Variants in WDR3 observed in about 807,000 individuals in gnomAD.
The protein encoded by WDR3 is WD repeat-containing protein 3.
A neutral mutation model predicts 123.7 loss-of-function variants in WDR3; 81 were observed. That is an observed-to-expected ratio of 0.65 (90% CI 0.55 to 0.79). The LOEUF is 0.79. Ranked by LOEUF, WDR3 falls within the 30% of genes least tolerant of loss-of-function variation. The pLI is 0.00. For synonymous variants in WDR3, 390 were observed against 388.8 expected (o/e 1.00, Z -0.04); for missense variants, 1,027 against 1,123.2 (o/e 0.91, Z 1.22).
rs754604700 is a variant in WDR3, at chr1:117,938,511, C to G, written c.532C>G (p.Leu178Val). 2.5e-6 allele frequency: 4 copies of G among 1,613,146 alleles called. No individual in the cohort carries two copies. The East Asian group carries it at 8.9e-5, about 36-fold the overall frequency. Residue 178 changes from leucine (L) to valine (V), a missense_variant, in exon 5 of 27, where the codon CTT (leucine) becomes GTT (valine). By Grantham distance (32) the Leu-to-Val change is conservative. Transcript: ENST00000349139. The stretch of plus-strand genomic sequence containing the variant: ...AGATACCATGGTGAAATGGTGGGAC[C>G]TTGATACTCAGCACTGCTTTAAAAC... ...GKDTMVKWWD[L>V]DTQHCFKTMV...
At position 117,965,176 on chromosome 1, in the gene WDR3, C is replaced by G. The variant is rs1653662195; in HGVS notation, c.*5729C>G. Reference sequence around the variant, plus strand: ...TTTTGCAATTTAGTTTTTATCCCAACCAAATTTAACACTTTAAATCTGAAT... The same window carrying G: ...TTTTGCAATTTAGTTTTTATCCCAAGCAAATTTAACACTTTAAATCTGAAT... On this transcript the variant is annotated 3_prime_UTR_variant, in exon 27 of 27. Coordinates refer to ENST00000349139, the MANE Select transcript of WDR3 (RefSeq NM_006784.3). The G allele has an allele frequency of 6.6e-6, 1 of 152,204 alleles. No individual in the cohort carries two copies. The highest frequency in any genetic ancestry group is 6.5e-5 in the Admixed American group (1 of 15,274). 9.4% of individuals were successfully genotyped at this position (152,204 alleles called of 1,614,324 possible). A position where few individuals can be genotyped will look rare whatever the true frequency, so the allele number is the denominator to read the frequency against.
chr1:117,939,608 GA>G (rs1399107237), intron 6 of WDR3, 36 bp downstream of exon 6: 1 of 1,598,776 alleles, frequency 6.3e-7, no homozygotes, highest in South Asian at 1.1e-5. Context: ...AATATGTTTA[GA>G]AGTTTCATAA....
intron 11 of WDR3, 140 bp downstream of exon 11, chr1:117,943,766 A>G (rs1651269490): frequency 2.7e-6 from 2 of 731,640 alleles, no homozygotes; most frequent in Non-Finnish European, 4.2e-6. Flanking sequence ...TAGCCTGTGG[A>G]GCTTAGAGAA....
chr1:117,948,992 T>C (rs762630289), intron 13 of WDR3, among the ~76,000 whole-genome samples: 41 of 152,194 alleles, frequency 2.7e-4, no homozygotes, highest in Non-Finnish European at 5.6e-4. Flanking sequence ...ATTTTTTTTT[T>C]TGACAACACC....
chr1:117,940,533 G>A (rs1241046535), intron 6 of WDR3, among the ~76,000 whole-genome samples: 1 of 152,142 alleles, frequency 6.6e-6, no homozygotes, highest in African/African-American at 2.4e-5. Context: ...TTTGAGGCCA[G>A]CCTGGGCAAT....
At chr1:117,938,029 G>A (rs2101197402) in intron 4 of WDR3, among the ~76,000 whole-genome samples, 1 of 152,322 alleles carries the variant, frequency 6.6e-6, no homozygotes, top group African/African-American at 2.4e-5. Context: ...TTAAGTTCAG[G>A]TTAGTGTACA....
chr1:117,939,970 A>G (rs150592123), intron 6 of WDR3, among the ~76,000 whole-genome samples: 12 of 152,360 alleles, frequency 7.9e-5, no homozygotes, highest in Admixed American at 3.9e-4. Flanking sequence ...AAGAATTTAC[A>G]TAGAAGAAAA....
At chr1:117,931,550 G>GA (rs1478208472) in intron 1 of WDR3, among the ~76,000 whole-genome samples, 2 of 152,174 alleles carry the variant, frequency 1.3e-5, no homozygotes, top group African/African-American at 4.8e-5. Context: ...TATTCAAGTG[G>GA]AGATGTTCAG....
In WDR3 at chr1:117,963,523, T is replaced by C; in HGVS notation, c.*4076T>C. The C allele has an allele frequency of 5.3e-6, 1 of 187,828 alleles. No individual in the cohort carries two copies. The highest frequency in any genetic ancestry group is 1.3e-4 in the South Asian group (1 of 7,512). 11.6% of individuals were successfully genotyped at this position (187,828 alleles called of 1,614,324 possible). A position where few individuals can be genotyped will look rare whatever the true frequency, so the allele number is the denominator to read the frequency against. On this transcript the variant is annotated 3_prime_UTR_variant, in exon 27 of 27. Coordinates refer to ENST00000349139, the MANE Select transcript of WDR3 (RefSeq NM_006784.3). ...GGACTACAGGCACCCGCCACCACAC[T>C]TGGCTGATTTTTTCTATTGTTTAGT...
chr1:117,962,684 T>G lies in WDR3; in HGVS notation c.*3237T>G, dbSNP rs1404812659. Reference sequence around the variant, plus strand: ...TTCACTGGCTGGAAGCTAGGTGCTTTGTATATTTGGTATTAAATTGTTTCT... The same window carrying G: ...TTCACTGGCTGGAAGCTAGGTGCTTGGTATATTTGGTATTAAATTGTTTCT... On this transcript the variant is annotated 3_prime_UTR_variant, in exon 27 of 27. Transcript: ENST00000349139. The G allele has an allele frequency of 6.6e-6, 1 of 152,218 alleles. No homozygotes were observed. Among genetic ancestry groups the G allele is most frequent in the Admixed American group, 6.5e-5 (1 of 15,284 alleles). The allele number at this position is 152,218 out of a possible 1,614,324, so 9.4% of individuals were successfully genotyped here. A position where few individuals can be genotyped will look rare whatever the true frequency, so the allele number is the denominator to read the frequency against.
chr1:117,933,183 A>C, intron 1 of WDR3, 105 bp from the exon 2 acceptor site: 4 of 948,812 alleles, frequency 4.2e-6, no homozygotes, highest in Non-Finnish European at 6.1e-6. Context: ...CAGCCTGGGC[A>C]ACAGAGTGAG....
chr1:117,940,189 A>G (rs1651092996), intron 6 of WDR3, among the ~76,000 whole-genome samples: 1 of 152,200 alleles, frequency 6.6e-6, no homozygotes, highest in Non-Finnish European at 1.5e-5. Context: ...AATACAGAAA[A>G]TTTTGAAGTT....
intron 26 of WDR3, 61 bp from the exon 27 acceptor site, chr1:117,959,231 C>G: frequency 6.4e-7 from 1 of 1,556,872 alleles, no homozygotes; most frequent in Non-Finnish European, 8.7e-7. Context: ...AACTCTCATA[C>G]GCTGCTATAA....
At chr1:117,938,954 T>C (rs1299616235) in intron 5 of WDR3, among the ~76,000 whole-genome samples, 1 of 152,232 alleles carries the variant, frequency 6.6e-6, no homozygotes. Context: ...GACTGTTTTT[T>C]ATATATCTTT....
intron 26 of WDR3, 124 bp downstream of exon 26, chr1:117,959,127 T>C: frequency 1.5e-6 from 2 of 1,300,742 alleles, no homozygotes; most frequent in Non-Finnish European, 2.1e-6. Context: ...TTTGAGATAG[T>C]TTTTGTTAGA....
In WDR3 at chr1:117,954,594, C is replaced by T. The variant is rs1427011741; in HGVS notation, c.2376C>T (p.Ser792=). 1 of 1,612,530 alleles carries T rather than the reference C, an allele frequency of 6.2e-7. No individual in the cohort carries two copies. Among genetic ancestry groups the T allele is most frequent in the African/African-American group, 1.3e-5 (1 of 74,922 alleles). ...KAAGKEVPLP[S]NPILMAYGSI... ...TTTCTTCATAGGTTCCACTTCCCAG[C>T]AACCCCATCCTAATGGCTTATGGCA... is the stretch of plus-strand genomic sequence containing the variant. Residue 792 remains serine, a synonymous_variant, in exon 23 of 27, where the codon AGC becomes AGT. Coordinates refer to ENST00000349139, the MANE Select transcript of WDR3 (RefSeq NM_006784.3).
At chr1:117,933,733 A>G in intron 2 of WDR3, 1 of 528,544 alleles carries the variant, frequency 1.9e-6, no homozygotes. Context: ...TTGTTGGAAT[A>G]TTTACAGGTC....
intron 11 of WDR3, among the ~76,000 whole-genome samples, chr1:117,944,273 A>G (rs1344566238): frequency 6.6e-6 from 1 of 152,174 alleles, no homozygotes; most frequent in African/African-American, 2.4e-5. Context: ...TCTGTCTTTG[A>G]CACACTCTTT....
At chr1:117,954,893 C>T (rs1651942312) in intron 23 of WDR3, among the ~76,000 whole-genome samples, 1 of 152,072 alleles carries the variant, frequency 6.6e-6, no homozygotes, top group Non-Finnish European at 1.5e-5. Flanking sequence ...GTCCAAAGCC[C>T]TCTGAAGATT....
Sources: allele counts gnomAD v4.1 joint callset (sites outside exome capture counted in the v4.1 genomes callset), GRCh38; gene constraint gnomAD v4.1.1; transcripts MANE v1.5; gene names NCBI Gene and HGNC (gene_info 2026-07-23, HGNC 2026-07-21).